Variants in IL15RA observed in about 807,000 individuals in gnomAD.
IL15RA encodes interleukin 15 receptor subunit alpha.
A neutral mutation model predicts 24.2 loss-of-function variants in IL15RA; 26 were observed. That is an observed-to-expected ratio of 1.07 (90% CI 0.79 to 1.49). IL15RA has a LOEUF of 1.49. IL15RA is among the 40% of genes most tolerant of loss of function. The pLI is 0.00. For synonymous variants in IL15RA, 166 were observed against 157.6 expected, an observed-to-expected ratio of 1.05 and a Z score of -0.40; for missense variants, 354 against 356.4, an observed-to-expected ratio of 0.99 and a Z score of 0.05.
rs190440378 is a variant in IL15RA at position 5,965,016 on chromosome 10, G to C, written c.283+1129C>G. 1.3e-5 allele frequency among the ~76,000 whole-genome samples: 2 copies of C among 152,174 alleles called. No homozygotes were observed. Among genetic ancestry groups the C allele is most frequent in the Non-Finnish European group, 2.9e-5 (2 of 68,020 alleles). ...TACCAAGCCAGTGGCAATGTCCAGC[G>C]CCTCAAGGAGCTCCCCTCTGTCCCC... On this transcript the variant is annotated intron_variant, in intron 2 of 6. Transcript: ENST00000379977. This position sits in a 1 kb window ranked among gnomAD's most constrained non-coding sequence, Gnocchi z 5.8.
At chr10:5,949,999 G>GGCAGGAGGATCACTTGAAC (rs1833762458), downstream of IL15RA, among the ~76,000 whole-genome samples, 1 of 152,110 alleles carries the variant, frequency 6.6e-6, no homozygotes, top group Non-Finnish European at 1.5e-5. The surrounding 1 kb of genome is among the most constrained non-coding windows in gnomAD (Gnocchi z 4.4). Context: ...GGGAGGCTGA[G>GGCAGGAGGATCACTTGAAC]GCAGGAGGAT....
chr10:5,950,074 C>G (rs983240232), downstream of IL15RA, among the ~76,000 whole-genome samples: 6 of 148,970 alleles, frequency 4.0e-5, no homozygotes, highest in Admixed American at 4.0e-4. This position sits in a 1 kb window ranked among gnomAD's most constrained non-coding sequence, Gnocchi z 5.6. Flanking sequence ...CCAGCCTGGA[C>G]AGCAGAGCAA....
At position 5,963,663 on chromosome 10, in the gene IL15RA, G is replaced by C. The variant is rs546865590; in HGVS notation, c.382+80C>G. On this transcript the variant is annotated intron_variant, in intron 3 of 6. Transcript: ENST00000379977. The surrounding 1 kb of genome is among the most constrained non-coding windows in gnomAD (Gnocchi z 5.3). Reference sequence around the variant, plus strand: ...CTGCAGTGGCACACCACAGAGGTCCGTGAGTCTGCAGGATTGGTGAGCGGG... The same window carrying C: ...CTGCAGTGGCACACCACAGAGGTCCCTGAGTCTGCAGGATTGGTGAGCGGG... The C allele has an allele frequency of 7.4e-6, 6 of 807,364 alleles. No homozygotes were observed. The highest frequency in any genetic ancestry group is 1.1e-5 in the Non-Finnish European group (6 of 533,524). 50.0% of individuals were successfully genotyped at this position (807,364 alleles called of 1,614,324 possible). A position where few individuals can be genotyped will look rare whatever the true frequency, so the allele number is the denominator to read the frequency against.
rs941163496 is a variant in IL15RA, at chr10:5,959,656, G to A, written c.616+98C>T. 4.0e-6 allele frequency: 4 copies of A among 993,292 alleles called. No individual in the cohort carries two copies. In the Admixed American group the frequency reaches 5.1e-5, roughly 13 times the overall value. The allele number at this position is 993,292 out of a possible 1,614,324, so 61.5% of individuals were successfully genotyped here. A position where few individuals can be genotyped will look rare whatever the true frequency, so the allele number is the denominator to read the frequency against. On this transcript the variant is annotated intron_variant, in intron 5 of 6. Transcript: ENST00000379977. The surrounding 1 kb of genome is among the most constrained non-coding windows in gnomAD (Gnocchi z 4.1). ...TGAGTGTGGAAGGGGCTGCTGTCAGGGCTGTGCTGGGGCAGCGGGCCTGGG... is the reference window on the plus strand; with the variant it reads ...TGAGTGTGGAAGGGGCTGCTGTCAGAGCTGTGCTGGGGCAGCGGGCCTGGG...
chr10:5,977,757 G>C (rs1028874329), upstream of IL15RA: 1 of 813,776 alleles, frequency 1.2e-6, no homozygotes, highest in Non-Finnish European at 1.7e-6. Context: ...GCCGTGCCCG[G>C]TGGGGACCCA....
rs1836372659 is a variant in IL15RA, at chr10:5,965,558, T to C, written c.283+587A>G. Among the ~76,000 whole-genome samples the C allele has an allele frequency of 6.6e-6, 1 of 152,146 alleles. No homozygotes were observed. Among genetic ancestry groups the C allele is most frequent in the Admixed American group, 6.5e-5 (1 of 15,278 alleles). ...CCCGCAGTGTGGATATCAAGTCCGT[T>C]TTCCAGATGACCAGCCAGAGTGCCA... On this transcript the variant is annotated intron_variant, in intron 2 of 6. Transcript: ENST00000379977. This position sits in a 1 kb window ranked among gnomAD's most constrained non-coding sequence, Gnocchi z 5.8.
rs41309774 is a variant in IL15RA at position 5,963,720 on chromosome 10, C to G, written c.382+23G>C. 242 of 1,459,008 alleles carry G rather than the reference C, an allele frequency of 1.7e-4. No homozygotes were observed. Among genetic ancestry groups the G allele is most frequent in the Non-Finnish European group, 2.0e-4 (222 of 1,095,646 alleles). 90.4% of individuals were successfully genotyped at this position (1,459,008 alleles called of 1,614,324 possible). A position where few individuals can be genotyped will look rare whatever the true frequency, so the allele number is the denominator to read the frequency against. On this transcript the variant is annotated intron_variant, in intron 3 of 6. Coordinates refer to ENST00000379977, the MANE Select transcript of IL15RA (RefSeq NM_002189.4). This position sits in a 1 kb window ranked among gnomAD's most constrained non-coding sequence, Gnocchi z 5.3. ...GGTGTTGGGAGGGAATGAATGTCCT[C>G]GAGAAGTTTCTGACCTTCCTACCTT... is the stretch of plus-strand genomic sequence containing the variant.
upstream of IL15RA, among the ~76,000 whole-genome samples, chr10:5,978,704 T>C (rs1177217278): frequency 6.6e-6 from 1 of 152,166 alleles, no homozygotes; most frequent in African/African-American, 2.4e-5. This position sits in a 1 kb window ranked among gnomAD's most constrained non-coding sequence, Gnocchi z 5.2. Flanking sequence ...GAGACTAGCC[T>C]GGCCAACATG....
At position 5,968,175 on chromosome 10, in the gene IL15RA, A is replaced by G. The variant is rs1836931773; in HGVS notation, c.89-1836T>C. Among the ~76,000 whole-genome samples the G allele has an allele frequency of 6.6e-6, 1 of 152,194 alleles. No individual in the cohort carries two copies. Among genetic ancestry groups the G allele is most frequent in the South Asian group, 2.1e-4 (1 of 4,822 alleles). On this transcript the variant is annotated intron_variant, in intron 1 of 6. Transcript: ENST00000379977. The surrounding 1 kb of genome is among the most constrained non-coding windows in gnomAD (Gnocchi z 5.4). Reference sequence around the variant, plus strand: ...GAGAATTCTTATAAAAATCAACACAAGACAAATACCCTAATGGCCTAACTG... The same window carrying G: ...GAGAATTCTTATAAAAATCAACACAGGACAAATACCCTAATGGCCTAACTG...
At chr10:5,951,141 C>CAAAAAAAAAAAA (rs60771366), downstream of IL15RA, among the ~76,000 whole-genome samples, 26 of 35,954 alleles carry the variant, frequency 7.2e-4, 2 homozygotes, top group African/African-American at 2.5e-3. Context: ...GACTCAGTCT[C>CAAAAAAAAAAAA]AAAAAAAAAA....
At position 5,953,217 on chromosome 10, in the gene IL15RA, G is replaced by T. The variant is rs750539532; in HGVS notation, c.693-11C>A. On this transcript the variant is annotated splice_polypyrimidine_tract_variant and intron_variant, in intron 6 of 6. Coordinates refer to ENST00000379977, the MANE Select transcript of IL15RA (RefSeq NM_002189.4). The surrounding 1 kb of genome is among the most constrained non-coding windows in gnomAD (Gnocchi z 5.3). Reference sequence around the variant, plus strand: ...AGCGGGGGAGTTTGCCTGCAAAGCAGGTGGTTCATAGGTTTTGAAAAGAGG... The same window carrying T: ...AGCGGGGGAGTTTGCCTGCAAAGCATGTGGTTCATAGGTTTTGAAAAGAGG... The T allele has an allele frequency of 5.0e-6, 8 of 1,605,280 alleles. No homozygotes were observed. The highest frequency in any genetic ancestry group is 6.0e-6 in the Non-Finnish European group (7 of 1,171,898).
At position 5,977,538 on chromosome 10, in the gene IL15RA, GC is replaced by G; in HGVS notation, c.-47del. On this transcript the variant is annotated 5_prime_UTR_variant, in exon 1 of 7. Coordinates refer to ENST00000379977, the MANE Select transcript of IL15RA (RefSeq NM_002189.4). The stretch of plus-strand genomic sequence containing the variant: ...CCGCTGGACTCCCCGGGCGAGCGCT[GC>G]CCAGGCCGGGGGGAGGTGGCGAGCG... 7.8e-7 allele frequency: 1 copy of G among 1,289,142 alleles called. No individual in the cohort carries two copies. The highest frequency in any genetic ancestry group is 9.8e-7 in the Non-Finnish European group (1 of 1,018,148). 79.9% of individuals were successfully genotyped at this position (1,289,142 alleles called of 1,614,324 possible). A position where few individuals can be genotyped will look rare whatever the true frequency, so the allele number is the denominator to read the frequency against.
chr10:5,976,285 A>AGGGGGGGGG (rs1564525046), intron 1 of IL15RA, among the ~76,000 whole-genome samples: 1 of 144,036 alleles, frequency 6.9e-6, no homozygotes. Context: ...TGGGGGTGGC[A>AGGGGGGGGG]GAGGGTGGGG....
Position 5,961,346 on chromosome 10 carries a change from G to A in IL15RA, c.383-779C>T, listed in dbSNP as rs1451513664. On this transcript the variant is annotated intron_variant, in intron 3 of 6. Coordinates refer to ENST00000379977, the MANE Select transcript of IL15RA (RefSeq NM_002189.4). The surrounding 1 kb of genome is among the most constrained non-coding windows in gnomAD (Gnocchi z 5.2). Reference sequence around the variant, plus strand: ...CTTAGCCTAGGAGTTTGAGGCTGCAGTGACCTATAATTGAGCCATTGCACT... The same window carrying A: ...CTTAGCCTAGGAGTTTGAGGCTGCAATGACCTATAATTGAGCCATTGCACT... 6.6e-6 allele frequency among the ~76,000 whole-genome samples: 1 copy of A among 152,170 alleles called. No individual in the cohort carries two copies. The highest frequency in any genetic ancestry group is 1.5e-5 in the Non-Finnish European group (1 of 68,022).
At position 5,966,156 on chromosome 10, in the gene IL15RA, A is replaced by C. The variant is rs779223587; in HGVS notation, c.272T>G (p.Leu91Arg). The change falls in exon 2 of 7, where the codon CTC becomes CGC. Residue 91 changes from leucine to arginine, a missense_variant. Leu to Arg is a moderately radical substitution (Grantham distance 102). Transcript: ENST00000379977. The surrounding 1 kb of genome is among the most constrained non-coding windows in gnomAD (Gnocchi z 6.4). Reference sequence around the variant, plus strand: ...CAAGGGCTACTCACTAATGCATTTGAGACTGGGGGTTGTCCAGTGGGCGAC... The same window carrying C: ...CAAGGGCTACTCACTAATGCATTTGCGACTGGGGGTTGTCCAGTGGGCGAC... ...TNVAHWTTPS[L>R]KCIRDPALVH... 1 of 1,607,062 alleles carries C rather than the reference A, an allele frequency of 6.2e-7. No homozygotes were observed.
rs759647467 is a variant in IL15RA, at chr10:5,956,406, G to A, written c.665C>T (p.Ser222Phe). ...TVLLCGLSAV[S>F]LLACYLKSRQ... ...TGACTTGAGGTAGCATGCCAGGAGA[G>A]ACACAGCGCTCAGCCCACACAGCAG... The change falls in exon 6 of 7, where the codon TCT becomes TTT. Residue 222 changes from serine (S) to phenylalanine (F), a missense_variant. Transcript: ENST00000379977. 1 of 1,614,104 alleles carries A rather than the reference G, an allele frequency of 6.2e-7. No homozygotes were observed. The highest frequency in any genetic ancestry group is 8.5e-7 in the Non-Finnish European group (1 of 1,179,956).
intron 6 of IL15RA, 122 bp downstream of exon 6, chr10:5,956,257 T>A (rs1184867063): frequency 2.8e-6 from 2 of 716,432 alleles, no homozygotes; most frequent in Middle Eastern, 2.4e-4. Context: ...TCAAGTGATC[T>A]GCCCGCCTTG....
chr10:5,954,494 A>G (rs940405868), intron 6 of IL15RA, among the ~76,000 whole-genome samples: 2 of 151,874 alleles, frequency 1.3e-5, no homozygotes, highest in African/African-American at 2.4e-5. Context: ...GGGTCTCACT[A>G]TGTTGTCCAG....
At position 5,959,707 on chromosome 10, in the gene IL15RA, T is replaced by G. The variant is rs765868694; in HGVS notation, c.616+47A>C. On this transcript the variant is annotated intron_variant, in intron 5 of 6. Coordinates refer to ENST00000379977, the MANE Select transcript of IL15RA (RefSeq NM_002189.4). The surrounding 1 kb of genome is among the most constrained non-coding windows in gnomAD (Gnocchi z 4.1). ...CCAGGACCACCCAGCACCCTGGGAC[T>G]GCGGTCACCCTGATCATAAACATAC... 6.3e-7 allele frequency: 1 copy of G among 1,591,436 alleles called. No homozygotes were observed. Among genetic ancestry groups the G allele is most frequent in the East Asian group, 2.2e-5 (1 of 44,808 alleles).
Sources: allele counts gnomAD v4.1 joint callset (sites outside exome capture counted in the v4.1 genomes callset), GRCh38; gene constraint gnomAD v4.1.1; non-coding constraint Gnocchi (gnomAD v3.1); transcripts MANE v1.5; gene names NCBI Gene and HGNC (gene_info 2026-07-23, HGNC 2026-07-21).